Variants in SETX observed in about 807,000 individuals in gnomAD.
SETX encodes the protein helicase senataxin.
Under a neutral mutation model 227.2 loss-of-function variants are expected in SETX, and 90 were observed. The ratio of observed to expected loss-of-function variants is 0.40; its 90% confidence interval spans 0.33 to 0.47. The LOEUF (loss-of-function observed/expected upper bound fraction) is 0.47, where lower values mean the gene tolerates loss of function less well. Among genes scored for constraint, SETX ranks in the 20% least tolerant of loss-of-function variants. The probability of loss-of-function intolerance (pLI) is 0.91; values close to 1 mark genes in which losing one functional copy is unlikely to be tolerated. For missense variants in SETX, 3,052 were observed against 3,181.5 expected, an observed-to-expected ratio of 0.96 and a Z score of 0.98; for synonymous variants, 1,210 against 1,113.2, an observed-to-expected ratio of 1.09 and a Z score of -1.73.
At chr9:132,296,611 C>T (rs1201611907) in intron 14 of SETX, among the ~76,000 whole-genome samples, 1 of 151,824 alleles carries the variant, frequency 6.6e-6, no homozygotes, top group Non-Finnish European at 1.5e-5. Context: ...GCCCAGCATT[C>T]ACAGCATTCT....
At chr9:132,272,121 C>T (rs369886507) in intron 23 of SETX, among the ~76,000 whole-genome samples, 11 of 152,164 alleles carry the variant, frequency 7.2e-5, no homozygotes, top group African/African-American at 2.6e-4. Context: ...CCGCCCGCCT[C>T]GGCCTCCCAA....
At chr9:132,332,560 A>G (rs1847307876) in intron 7 of SETX, among the ~76,000 whole-genome samples, 2 of 152,178 alleles carry the variant, frequency 1.3e-5, no homozygotes, top group Admixed American at 1.3e-4. Flanking sequence ...GTGTCTAATA[A>G]GCTCACAAGA....
chr9:132,309,730 T>C (rs993303658), intron 11 of SETX, among the ~76,000 whole-genome samples: 1 of 151,444 alleles, frequency 6.6e-6, no homozygotes, highest in Non-Finnish European at 1.5e-5. Context: ...CCTAGGGCAA[T>C]ACAAAATCAA....
chr9:132,345,414 C>T (rs1848227576), intron 4 of SETX, among the ~76,000 whole-genome samples: 1 of 152,180 alleles, frequency 6.6e-6, no homozygotes, highest in African/African-American at 2.4e-5. Flanking sequence ...GCTGGGATTA[C>T]AGGTGCCTGC....
chr9:132,350,438 C>T (rs966991819), intron 2 of SETX, among the ~76,000 whole-genome samples: 6 of 152,188 alleles, frequency 3.9e-5, no homozygotes, highest in African/African-American at 7.2e-5. Flanking sequence ...GTATCACCGT[C>T]ACCCTAAAAT....
Position 132,327,363 on chromosome 9 carries a change from T to C in SETX, c.4235A>G (p.Gln1412Arg), listed in dbSNP as rs775395216. Residue 1412 changes from glutamine (Q) to arginine (R), a missense_variant, in exon 10 of 26, where the codon CAG (glutamine) becomes CGG (arginine). By Grantham distance (43) the Gln-to-Arg change is conservative. Transcript: ENST00000224140. ...TTCAGAAGGCATGCATTTTATTAAC[T>C]GTTTTCTGTTACTGTTGGCAAGTAC... Reference protein sequence around the residue: ...TEVLANSNRKQLIKCMPSEPE... With the variant: ...TEVLANSNRKRLIKCMPSEPE... The C allele has an allele frequency of 1.2e-6, 2 of 1,614,254 alleles. No individual in the cohort carries two copies. The highest frequency in any genetic ancestry group is 1.7e-6 in the Non-Finnish European group (2 of 1,180,044).
chr9:132,293,925 G>A (rs1459659382), intron 15 of SETX, among the ~76,000 whole-genome samples: 1 of 152,110 alleles, frequency 6.6e-6, no homozygotes, highest in Non-Finnish European at 1.5e-5. Flanking sequence ...TCGGGAGGCT[G>A]AGGCAGGAGA....
intron 5 of SETX, among the ~76,000 whole-genome samples, chr9:132,338,721 A>G (rs528941027): frequency 1.3e-5 from 2 of 152,156 alleles, no homozygotes; most frequent in South Asian, 4.2e-4. Flanking sequence ...ATCTTCATCC[A>G]TATTTTTTGT....
intron 21 of SETX, among the ~76,000 whole-genome samples, chr9:132,277,506 C>T (rs1438548584): frequency 6.6e-6 from 1 of 152,064 alleles, no homozygotes; most frequent in East Asian, 1.9e-4. Flanking sequence ...TGGCCAGGTG[C>T]GGTGACTCTC....
chr9:132,346,563 C>A, intron 3 of SETX, 92 bp from the exon 4 acceptor site: 1 of 889,650 alleles, frequency 1.1e-6, no homozygotes, highest in South Asian at 1.5e-5. Flanking sequence ...TTCCTAAGTA[C>A]AAAAATTCTG....
At chr9:132,269,133 C>A (rs560286807) in intron 25 of SETX, among the ~76,000 whole-genome samples, 2 of 152,240 alleles carry the variant, frequency 1.3e-5, no homozygotes, top group Non-Finnish European at 2.9e-5. Context: ...ACACCTCTTC[C>A]AGAGGGGCGC....
chr9:132,300,455 T>C (rs950789868), intron 12 of SETX, among the ~76,000 whole-genome samples, 175 bp downstream of exon 12: 1 of 152,206 alleles, frequency 6.6e-6, no homozygotes, highest in African/African-American at 2.4e-5. Flanking sequence ...ACAAGGTCTT[T>C]TCCAGTTAAG....
At chr9:132,265,710 GAC>G (rs948137574) in intron 25 of SETX, among the ~76,000 whole-genome samples, 1 of 152,146 alleles carries the variant, frequency 6.6e-6, no homozygotes, top group African/African-American at 2.4e-5. Flanking sequence ...GAGCAGTGCA[GAC>G]ACAAAACATT....
At chr9:132,300,496 G>T in intron 12 of SETX, 134 bp downstream of exon 12, 1 of 880,198 alleles carries the variant, frequency 1.1e-6, no homozygotes, top group Non-Finnish European at 1.9e-6. Context: ...GACTCTGAAT[G>T]GCCATGTAAT....
At chr9:132,350,337 G>C (rs1257114417) in intron 2 of SETX, among the ~76,000 whole-genome samples, 1 of 152,122 alleles carries the variant, frequency 6.6e-6, no homozygotes, top group Non-Finnish European at 1.5e-5. Flanking sequence ...GTGACAGAGT[G>C]AAACTCTGTC....
intron 15 of SETX, among the ~76,000 whole-genome samples, chr9:132,293,759 A>C (rs955285760): frequency 7.9e-5 from 12 of 152,032 alleles, no homozygotes; most frequent in African/African-American, 2.9e-4. Context: ...GTGGTGGCTC[A>C]TGCCTGTAAC....
chr9:132,295,624 C>T (rs951001734), intron 15 of SETX, among the ~76,000 whole-genome samples: 1 of 152,236 alleles, frequency 6.6e-6, no homozygotes, highest in Non-Finnish European at 1.5e-5. Flanking sequence ...TCACTCTGTA[C>T]TGACCTCTCC....
rs576151754 is a variant in SETX, at chr9:132,263,191, G to A, written c.*1048C>T. The A allele has an allele frequency of 1.6e-4, 25 of 152,232 alleles. No individual in the cohort carries two copies. Among genetic ancestry groups the A allele is most frequent in the African/African-American group, 5.3e-4 (22 of 41,514 alleles). The allele number at this position is 152,232 out of a possible 1,614,324, so 9.4% of individuals were successfully genotyped here. On this transcript the variant is annotated 3_prime_UTR_variant, in exon 26 of 26. Transcript: ENST00000224140. ...CTCTGGTTACGCTTCATTTTAAATC[G>A]GGTGCTTCTTTCCCGCCCAAAATAT...
At chr9:132,265,032 T>G in intron 25 of SETX, 47 bp from the exon 26 acceptor site, 7 of 1,603,688 alleles carry the variant, frequency 4.4e-6, no homozygotes, top group Non-Finnish European at 5.9e-6. Flanking sequence ...AAAGAGACAC[T>G]GCTTGGGAAG....
Sources: gnomAD v4.1 joint callset for allele counts (sites outside exome capture counted in the v4.1 genomes callset) on GRCh38, gnomAD v4.1.1 for gene constraint, MANE v1.5 for transcripts, NCBI Gene and HGNC (gene_info 2026-07-23, HGNC 2026-07-21) for gene names.